MPPED1: variants seen among roughly 807,000 people sequenced by gnomAD.
MPPED1 encodes the protein metallophosphoesterase domain containing 1.
MPPED1 carries 16 observed loss-of-function variants against 36.2 expected under a neutral mutation model. That is an observed-to-expected ratio of 0.44 (90% confidence interval 0.30 to 0.67). The LOEUF (loss-of-function observed/expected upper bound fraction) is 0.67. MPPED1 is among the 30% of genes least tolerant of loss of function. The pLI, the probability that MPPED1 is intolerant of heterozygous loss-of-function variation, is 0.10. For synonymous variants in MPPED1, 199 were observed against 191.3 expected (o/e 1.04, Z -0.33); for missense variants, 307 against 453.4 (o/e 0.68, Z 2.93).
chr22:43,434,214 G>A lies in MPPED1; in HGVS notation c.225-820G>A, dbSNP rs79385412. Among the ~76,000 whole-genome samples, 340 of 152,372 alleles carry A rather than the reference G, an allele frequency of 2.2e-3. 2 individuals carry two copies. The highest frequency in any genetic ancestry group is 7.9e-3 in the African/African-American group (328 of 41,578). On this transcript the variant is annotated intron_variant, in intron 2 of 6. Transcript: ENST00000443721. ...AGTGAAGTAGCTTCGTTTTACAGATGTGCAGACCCAGGCTGTGGAAAGCCT... is the reference window on the plus strand; with the variant it reads ...AGTGAAGTAGCTTCGTTTTACAGATATGCAGACCCAGGCTGTGGAAAGCCT...
intron 3 of MPPED1, among the ~76,000 whole-genome samples, chr22:43,444,585 A>G: frequency 6.7e-6 from 1 of 150,224 alleles, no homozygotes. Flanking sequence ...CTGGTCTTGA[A>G]CTCCTGAACT....
intron 1 of MPPED1, 68 bp from the exon 2 acceptor site, chr22:43,424,840 C>G: frequency 6.9e-7 from 1 of 1,445,178 alleles, no homozygotes; most frequent in Non-Finnish European, 9.1e-7. Context: ...TCTAAATCTT[C>G]ATCTGACATT....
chr22:43,430,444 T>C (rs928593227), intron 2 of MPPED1, among the ~76,000 whole-genome samples: 4 of 152,088 alleles, frequency 2.6e-5, no homozygotes, highest in African/African-American at 7.2e-5. Context: ...TGGAGCCTGG[T>C]GGGGTCCAGG....
chr22:43,432,573 A>G (rs1323235451), intron 2 of MPPED1, among the ~76,000 whole-genome samples: 12 of 88,196 alleles, frequency 1.4e-4, no homozygotes, highest in African/African-American at 1.9e-4. Context: ...AGAGAAAGGG[A>G]GGAGAGAGAG....
At chr22:43,489,138 C>G (rs922171397) in intron 4 of MPPED1, among the ~76,000 whole-genome samples, 2 of 152,152 alleles carry the variant, frequency 1.3e-5, no homozygotes, top group African/African-American at 4.8e-5. Context: ...TTGATCCCAC[C>G]TGCCAGGTCT....
intron 2 of MPPED1, among the ~76,000 whole-genome samples, chr22:43,434,807 G>A (rs1236502538): frequency 2.6e-5 from 4 of 152,202 alleles, no homozygotes; most frequent in African/African-American, 4.8e-5. Flanking sequence ...TACAGACAGG[G>A]AAACTGAGGC....
At chr22:43,458,474 C>T (rs1170217017) in intron 3 of MPPED1, among the ~76,000 whole-genome samples, 1 of 152,018 alleles carries the variant, frequency 6.6e-6, no homozygotes. Flanking sequence ...TTAGTAGAGA[C>T]GGGGTTTCAC....
intron 4 of MPPED1, among the ~76,000 whole-genome samples, chr22:43,482,045 C>T (rs554112609): frequency 9.2e-5 from 14 of 152,160 alleles, no homozygotes; most frequent in Admixed American, 3.9e-4. Context: ...GTTGGGCCTT[C>T]GCTGAGAGCA....
intron 4 of MPPED1, among the ~76,000 whole-genome samples, chr22:43,482,989 C>T (rs1931797351): frequency 6.6e-6 from 1 of 152,318 alleles, no homozygotes; most frequent in South Asian, 2.1e-4. Context: ...CCCAGAGGCC[C>T]TGTCCTCTGA....
chr22:43,432,404 A>AGAGAAAGGGAG lies in MPPED1; in HGVS notation c.225-2626_225-2625insAAGGGAGGAGA, dbSNP rs1259571663. On this transcript the variant is annotated intron_variant, in intron 2 of 6. Transcript: ENST00000443721. ...GAGGAGAGAGAGAGAAACGGAGGAGAGAGAGATAAAGGGAGGAGAGAGAAA... is the reference window on the plus strand; with the variant it reads ...GAGGAGAGAGAGAGAAACGGAGGAGAGAGAAAGGGAGGAGAGATAAAGGGAGGAGAGAGAAA... Among the ~76,000 whole-genome samples, 896 of 135,780 alleles carry AGAGAAAGGGAG rather than the reference A, an allele frequency of 6.6e-3. 27 individuals carry two copies. Among genetic ancestry groups the AGAGAAAGGGAG allele is most frequent in the African/African-American group, 0.018 (639 of 34,662 alleles). 89.1% of individuals were successfully genotyped at this position (135,780 alleles called of 152,430 possible).
intron 3 of MPPED1, among the ~76,000 whole-genome samples, chr22:43,473,583 C>T (rs762097540): frequency 3.4e-4 from 52 of 152,272 alleles, no homozygotes; most frequent in Middle Eastern, 6.8e-3. Flanking sequence ...CATTTTTTAT[C>T]CAAATCAGGG....
intron 5 of MPPED1, among the ~76,000 whole-genome samples, chr22:43,500,300 G>A (rs1932667413): frequency 6.7e-6 from 1 of 148,850 alleles, no homozygotes; most frequent in Non-Finnish European, 1.5e-5. Flanking sequence ...GGGTGGTGGT[G>A]GTGATGGTGA....
At chr22:43,431,760 CG>C (rs2146827981) in intron 2 of MPPED1, among the ~76,000 whole-genome samples, 1 of 152,294 alleles carries the variant, frequency 6.6e-6, no homozygotes, top group South Asian at 2.1e-4. Flanking sequence ...GCTCTTGATG[CG>C]TGGGGATCAT....
At chr22:43,491,732 G>C (rs1602012188) in intron 4 of MPPED1, among the ~76,000 whole-genome samples, 1 of 31,094 alleles carries the variant, frequency 3.2e-5, no homozygotes, top group African/African-American at 4.8e-4. Flanking sequence ...AGATGATGCT[G>C]GTGGTGGTGA....
intron 2 of MPPED1, among the ~76,000 whole-genome samples, chr22:43,427,766 G>A (rs966982844): frequency 6.6e-6 from 1 of 152,094 alleles, no homozygotes; most frequent in Admixed American, 6.5e-5. Flanking sequence ...GGCTACTCCA[G>A]GTCGAGGGAC....
intron 4 of MPPED1, among the ~76,000 whole-genome samples, chr22:43,494,005 T>C (rs987363159): frequency 6.6e-6 from 1 of 152,104 alleles, no homozygotes; most frequent in African/African-American, 2.4e-5. Flanking sequence ...TGGGGGGCTC[T>C]GAGGGAAAAC....
intron 1 of MPPED1, among the ~76,000 whole-genome samples, chr22:43,412,712 A>G (rs1215184813): frequency 4.9e-5 from 5 of 102,212 alleles, no homozygotes; most frequent in African/African-American, 1.4e-4. Context: ...CACTCACTCA[A>G]CACATATTTA....
intron 4 of MPPED1, among the ~76,000 whole-genome samples, chr22:43,491,731 T>TGGTGGTGGTGATGGA (rs571547560): frequency 0.54 from 59,620 of 110,358 alleles, 18,280 homozygotes; most frequent in African/African-American, 0.8. Flanking sequence ...AAGATGATGC[T>TGGTGGTGGTGATGGA]GGTGGTGGTG....
intron 3 of MPPED1, among the ~76,000 whole-genome samples, chr22:43,437,518 G>A (rs1930002528): frequency 6.6e-6 from 1 of 152,170 alleles, no homozygotes. Context: ...ATAGCTCTGT[G>A]TTGCCTCTCC....
Sources: gnomAD v4.1 joint callset for allele counts (sites outside exome capture counted in the v4.1 genomes callset) on GRCh38, gnomAD v4.1.1 for gene constraint, MANE v1.5 for transcripts, NCBI Gene and HGNC (gene_info 2026-07-23, HGNC 2026-07-21) for gene names.